DYSF: variants seen among roughly 807,000 people sequenced by gnomAD.
DYSF encodes the protein dysferlin.
In DYSF, 212 loss-of-function variants were observed where a neutral mutation model predicts 274.9. The ratio of observed to expected loss-of-function variants is 0.77; its 90% CI spans 0.69 to 0.86. The LOEUF is 0.86. DYSF is among the 40% of genes least tolerant of loss of function. DYSF has a pLI of 0.00. For missense variants in DYSF, 2,666 were observed against 2,783.2 expected (o/e 0.96, Z 0.95); for synonymous variants, 1,091 against 1,078.7 (o/e 1.01, Z -0.22).
chr2:71,553,203 C>T lies in DYSF; in HGVS notation c.1984+15C>T, dbSNP rs1432806275. 6.2e-7 allele frequency: 1 copy of T among 1,613,886 alleles called. No individual in the cohort carries two copies. Among genetic ancestry groups the T allele is most frequent in the South Asian group, 1.1e-5 (1 of 91,084 alleles). On this transcript the variant is annotated intron_variant, in intron 20 of 55. Transcript: ENST00000410020. Reference sequence around the variant, plus strand: ...AGTCTTTGACGGTGAGGCAGTGCTCCTGGCTGGGACCCCGATCACAGGATC... The same window carrying T: ...AGTCTTTGACGGTGAGGCAGTGCTCTTGGCTGGGACCCCGATCACAGGATC...
chr2:71,621,946 A>C (rs1307669119), intron 41 of DYSF, among the ~76,000 whole-genome samples: 3 of 152,164 alleles, frequency 2.0e-5, no homozygotes, highest in African/African-American at 7.2e-5. Flanking sequence ...GGCGTGAGCC[A>C]CCACACCCAG....
rs2092208332 is a variant in DYSF, at chr2:71,568,011, T to A, written c.2626T>A (p.Phe876Ile). ...MPVQIRVKLW[F>I]GLSVDEKEFN... ...AGTGCAGATACGGGTCAAGCTGTGG[T>A]TTGGGCTCTCAGTGGATGAGAAGGA... The change falls in exon 25 of 56, where the codon TTT becomes ATT. Residue 876 changes from phenylalanine (F) to isoleucine (I), a missense_variant. Physicochemically the swap from Phe to Ile is conservative, Grantham distance 21. This residue lies in a region of DYSF where 412 missense variants were observed against 504.0 expected (regional missense o/e 0.82). Transcript: ENST00000410020. The A allele has an allele frequency of 6.2e-7, 1 of 1,614,044 alleles. No individual in the cohort carries two copies.
chr2:71,491,662 G>A (rs150515915), intron 3 of DYSF, among the ~76,000 whole-genome samples: 48 of 152,300 alleles, frequency 3.2e-4, no homozygotes, highest in Middle Eastern at 3.4e-3. Flanking sequence ...GAACATTTGG[G>A]ATTTGGTTGT....
intron 34 of DYSF, 134 bp from the exon 35 acceptor site, chr2:71,601,365 C>T (rs1558585923): frequency 8.5e-7 from 1 of 1,181,222 alleles, no homozygotes; most frequent in Non-Finnish European, 1.3e-6. Context: ...AGCCTAGCAT[C>T]CCTTCTACCC....
Position 71,568,297 on chromosome 2 carries a change from C to T in DYSF, c.2823C>T (p.Gly941=), listed in dbSNP as rs138212696. Residue 941 remains glycine (G), a synonymous_variant, in exon 26 of 56, where the codon GGC becomes GGT. Coordinates refer to ENST00000410020, the MANE Select transcript of DYSF (RefSeq NM_001130987.2). ...LPKDSFRPSA[G]WTWAGDWFVC... Reference sequence around the variant, plus strand: ...AGGACAGCTTCCGCCCCTCGGCCGGCTGGACCTGGGCTGGAGATTGGTTCG... The same window carrying T: ...AGGACAGCTTCCGCCCCTCGGCCGGTTGGACCTGGGCTGGAGATTGGTTCG... The T allele has an allele frequency of 8.7e-6, 14 of 1,614,210 alleles. No homozygotes were observed. Among genetic ancestry groups the T allele is most frequent in the Non-Finnish European group, 1.2e-5 (14 of 1,180,034 alleles).
intron 51 of DYSF, among the ~76,000 whole-genome samples, chr2:71,671,283 G>A (rs2095116704): frequency 6.6e-6 from 1 of 152,204 alleles, no homozygotes; most frequent in African/African-American, 2.4e-5. Context: ...GGAAAGCATG[G>A]GCCGTTTGCA....
intron 10 of DYSF, 72 bp downstream of exon 10, chr2:71,517,111 G>C: frequency 7.2e-7 from 1 of 1,395,330 alleles, no homozygotes; most frequent in Middle Eastern, 1.8e-4. Flanking sequence ...GTGGACCATG[G>C]GCAGGGGCTC....
At chr2:71,602,205 G>T (rs57648722) in intron 35 of DYSF, among the ~76,000 whole-genome samples, 7 of 152,200 alleles carry the variant, frequency 4.6e-5, no homozygotes, top group Non-Finnish European at 8.8e-5. Context: ...GCCAAGTTCA[G>T]CTGCATCTAT....
intron 42 of DYSF, among the ~76,000 whole-genome samples, chr2:71,649,208 G>C (rs1310248007): frequency 1.3e-5 from 2 of 150,316 alleles, no homozygotes; most frequent in African/African-American, 4.9e-5. Context: ...ACAAATGGAA[G>C]GGTTAAGGTA....
chr2:71,495,517 ACC>A (rs1377492757), intron 3 of DYSF, among the ~76,000 whole-genome samples: 1 of 152,218 alleles, frequency 6.6e-6, no homozygotes, highest in Non-Finnish European at 1.5e-5. Context: ...CCTAGGGTCA[ACC>A]ACCTGGGCTG....
chr2:71,675,232 A>G (rs1488842829), intron 52 of DYSF, among the ~76,000 whole-genome samples: 1 of 152,188 alleles, frequency 6.6e-6, no homozygotes, highest in African/African-American at 2.4e-5. Context: ...ATGGTGGTGA[A>G]GGTTGCACAA....
At chr2:71,520,264 G>A in intron 11 of DYSF, 56 bp downstream of exon 11, 1 of 1,585,760 alleles carries the variant, frequency 6.3e-7, no homozygotes, top group Non-Finnish European at 8.7e-7. Flanking sequence ...AGGCTGATTG[G>A]GGACACTCAT....
chr2:71,636,902 A>G (rs2094412285), intron 41 of DYSF, among the ~76,000 whole-genome samples: 1 of 152,118 alleles, frequency 6.6e-6, no homozygotes, highest in African/African-American at 2.4e-5. Context: ...TGGACAGTGG[A>G]GCTCTGCAAG....
chr2:71,461,250 G>A (rs1183011383), intron 1 of DYSF, among the ~76,000 whole-genome samples: 2 of 152,174 alleles, frequency 1.3e-5, no homozygotes, highest in African/African-American at 4.8e-5. Flanking sequence ...GTGCTAAGAA[G>A]GAAAAGGGCT....
intron 10 of DYSF, among the ~76,000 whole-genome samples, chr2:71,518,517 G>C (rs917885383): frequency 6.7e-6 from 1 of 149,706 alleles, no homozygotes; most frequent in African/African-American, 2.5e-5. Context: ...TGGCTACCTT[G>C]GCCTCCCAAA....
chr2:71,577,986 G>A (rs1405391097), intron 30 of DYSF, among the ~76,000 whole-genome samples: 1 of 152,146 alleles, frequency 6.6e-6, no homozygotes, highest in African/African-American at 2.4e-5. Context: ...ACTAGCTGTG[G>A]ACGGGTCACT....
In DYSF at chr2:71,503,289, C is replaced by T. The variant is rs1203731908; in HGVS notation, c.315C>T (p.Pro105=). The change falls in exon 4 of 56, where the codon CCC becomes CCT. Residue 105 remains proline (P), a synonymous_variant. Coordinates refer to ENST00000410020, the MANE Select transcript of DYSF (RefSeq NM_001130987.2). ...GTCTGTCCGCCAGCTTCAATGCCCC[C>T]CTGCTGGACACCAAGAAGCAGCCCA... ...TPSLSASFNA[P]LLDTKKQPTG... is the part of the protein sequence containing the mutation. 1.4e-5 allele frequency: 23 copies of T among 1,614,028 alleles called. No homozygotes were observed. The highest frequency in any genetic ancestry group is 1.7e-5 in the Non-Finnish European group (20 of 1,180,004).
intron 40 of DYSF, among the ~76,000 whole-genome samples, chr2:71,618,442 T>G (rs1156983134): frequency 1.7e-5 from 2 of 116,282 alleles, no homozygotes; most frequent in Non-Finnish European, 3.4e-5. Context: ...GGGGTGTGTG[T>G]GGTAGAGGTG....
intron 1 of DYSF, among the ~76,000 whole-genome samples, chr2:71,476,425 C>T (rs555610218): frequency 4.6e-5 from 7 of 151,826 alleles, no homozygotes; most frequent in South Asian, 2.1e-4. Flanking sequence ...CTTGTAGTCG[C>T]GGCTACTCGG....
Sources: gnomAD v4.1 joint callset for allele counts (sites outside exome capture counted in the v4.1 genomes callset) on GRCh38, gnomAD v4.1.1 for gene constraint, gnomAD v4.1.1 regional missense constraint, MANE v1.5 for transcripts, NCBI Gene and HGNC (gene_info 2026-07-23, HGNC 2026-07-21) for gene names.